Variants in EEPD1 observed in about 807,000 individuals in gnomAD.
EEPD1 encodes the protein endonuclease/exonuclease/phosphatase family domain containing 1, also known as endonuclease/exonuclease/phosphatase family domain-containing protein 1.
In EEPD1, 17 loss-of-function variants were observed where a neutral mutation model predicts 46.3. The observed-to-expected ratio is 0.37, with a 90% confidence interval of 0.25 to 0.55. EEPD1 has a LOEUF of 0.55. Ranked by LOEUF, EEPD1 falls within the 20% of genes least tolerant of loss-of-function variation. The pLI, the probability that EEPD1 is intolerant of heterozygous loss-of-function variation, is 0.83. For synonymous variants in EEPD1, 313 were observed against 315.6 expected (o/e 0.99, Z 0.09); for missense variants, 673 against 745.6 (o/e 0.90, Z 1.13).
chr7:36,198,343 A>AAAAATAAAAAAAAAAG, intron 2 of EEPD1, among the ~76,000 whole-genome samples: 1 of 108,206 alleles, frequency 9.2e-6, no homozygotes, highest in East Asian at 2.6e-4. Flanking sequence ...AAAAGAAAAG[A>AAAAATAAAAAAAAAAG]AAAAAAAAAA....
intron 2 of EEPD1, among the ~76,000 whole-genome samples, chr7:36,196,761 A>G (rs1425635169): frequency 6.6e-6 from 1 of 152,122 alleles, no homozygotes; most frequent in Admixed American, 6.5e-5. Flanking sequence ...TCGGCTCGCT[A>G]CGGCCTCCAC....
chr7:36,226,880 T>G (rs1199213280), intron 2 of EEPD1, among the ~76,000 whole-genome samples: 2 of 151,816 alleles, frequency 1.3e-5, no homozygotes, highest in African/African-American at 4.8e-5. Context: ...CAAAAGAAGG[T>G]GACAGAGAAA....
chr7:36,198,342 G>GAAAAAA (rs1361024411), intron 2 of EEPD1, among the ~76,000 whole-genome samples: 10 of 33,090 alleles, frequency 3.0e-4, no homozygotes, highest in Admixed American at 4.2e-4. Flanking sequence ...AAAAAGAAAA[G>GAAAAAA]AAAAAAAAAA....
At chr7:36,185,334 C>T (rs916638869) in intron 2 of EEPD1, among the ~76,000 whole-genome samples, 3 of 152,234 alleles carry the variant, frequency 2.0e-5, no homozygotes, top group African/African-American at 2.4e-5. Flanking sequence ...CTGTAATTTA[C>T]TCAGTTTCAC....
chr7:36,184,171 GT>G (rs1182179830), intron 2 of EEPD1, among the ~76,000 whole-genome samples: 2 of 152,102 alleles, frequency 1.3e-5, no homozygotes, highest in Non-Finnish European at 2.9e-5. Flanking sequence ...GAAGGTGATT[GT>G]GTTCTAACAA....
intron 2 of EEPD1, among the ~76,000 whole-genome samples, chr7:36,227,074 G>C (rs1043321272): frequency 5.3e-5 from 8 of 152,060 alleles, no homozygotes; most frequent in Non-Finnish European, 8.8e-5. Flanking sequence ...AAAGAAGGGA[G>C]GGGGGGTGGC....
chr7:36,274,834 C>T (rs992633988), intron 3 of EEPD1, among the ~76,000 whole-genome samples: 1 of 152,172 alleles, frequency 6.6e-6, no homozygotes, highest in African/African-American at 2.4e-5. Flanking sequence ...TCCTGGCACG[C>T]GGACACCCTT....
At chr7:36,279,188 C>T (rs1356351681) in intron 3 of EEPD1, among the ~76,000 whole-genome samples, 1 of 150,850 alleles carries the variant, frequency 6.6e-6, no homozygotes, top group Non-Finnish European at 1.5e-5. Context: ...GAGTTTTCTG[C>T]TTCACCAGCA....
At chr7:36,286,621 G>A (rs185638095) in intron 5 of EEPD1, among the ~76,000 whole-genome samples, 1 of 152,338 alleles carries the variant, frequency 6.6e-6, no homozygotes, top group African/African-American at 2.4e-5. Context: ...GCCAGGTTCT[G>A]TAAGCTTTTG....
At chr7:36,183,538 G>A (rs1297185656) in intron 2 of EEPD1, among the ~76,000 whole-genome samples, 2 of 152,226 alleles carry the variant, frequency 1.3e-5, no homozygotes, top group Middle Eastern at 6.8e-3. Flanking sequence ...TGGGAGAACT[G>A]CTTTGTTCTG....
At chr7:36,257,554 C>T (rs903373143) in intron 3 of EEPD1, among the ~76,000 whole-genome samples, 33 of 152,190 alleles carry the variant, frequency 2.2e-4, no homozygotes, top group African/African-American at 7.2e-4. Context: ...CTTGTCTTCA[C>T]GCTTTATTTC....
intron 3 of EEPD1, among the ~76,000 whole-genome samples, chr7:36,250,609 A>T (rs778356956): frequency 5.9e-5 from 9 of 152,236 alleles, no homozygotes; most frequent in African/African-American, 2.2e-4. Flanking sequence ...CAGAGACAGT[A>T]TAGCCCATAA....
intron 2 of EEPD1, among the ~76,000 whole-genome samples, chr7:36,174,589 G>A (rs568512806): frequency 1.3e-5 from 2 of 152,314 alleles, no homozygotes; most frequent in South Asian, 2.1e-4. Context: ...GATGTTTGCT[G>A]CTAGTTCTAA....
At position 36,239,128 on chromosome 7, in the gene EEPD1, C is replaced by T. The variant is rs1583827518; in HGVS notation, c.930+92C>T. ...CAACTCCCTGTCACCAGAGACAGCCCCTACTGAAAAGACGGTCAGTTATTT... is the reference window on the plus strand; with the variant it reads ...CAACTCCCTGTCACCAGAGACAGCCTCTACTGAAAAGACGGTCAGTTATTT... On this transcript the variant is annotated intron_variant, in intron 3 of 7. Transcript: ENST00000242108. 3 of 1,257,544 alleles carry T rather than the reference C, an allele frequency of 2.4e-6. No homozygotes were observed. In the Admixed American group the frequency reaches 6.4e-5, roughly 27 times the overall value. The allele number at this position is 1,257,544 out of a possible 1,614,324, so 77.9% of individuals were successfully genotyped here. A position where few individuals can be genotyped will look rare whatever the true frequency, so the allele number is the denominator to read the frequency against.
intron 2 of EEPD1, among the ~76,000 whole-genome samples, chr7:36,195,392 A>T (rs908112839): frequency 6.6e-6 from 1 of 152,220 alleles, no homozygotes; most frequent in African/African-American, 2.4e-5. Context: ...TCTCCATGGT[A>T]TAGAGGTGGG....
At chr7:36,216,268 T>G (rs966394635) in intron 2 of EEPD1, among the ~76,000 whole-genome samples, 9 of 152,220 alleles carry the variant, frequency 5.9e-5, no homozygotes, top group Non-Finnish European at 1.3e-4. Flanking sequence ...CCTTTCCATG[T>G]GACTCACAGT....
chr7:36,241,472 C>CG (rs1404421335), intron 3 of EEPD1, among the ~76,000 whole-genome samples: 17 of 150,306 alleles, frequency 1.1e-4, no homozygotes, highest in Admixed American at 7.9e-4. Flanking sequence ...GACTCTGTCT[C>CG]AAAATAAATA....
intron 3 of EEPD1, among the ~76,000 whole-genome samples, chr7:36,244,656 T>G (rs945268665): frequency 7.2e-5 from 11 of 152,126 alleles, no homozygotes; most frequent in Non-Finnish European, 1.5e-4. Context: ...TGAGCTGCTG[T>G]GTCTGGCAGA....
intron 2 of EEPD1, among the ~76,000 whole-genome samples, chr7:36,203,951 T>C (rs1360837231): frequency 7.4e-5 from 11 of 149,124 alleles, no homozygotes; most frequent in African/African-American, 2.7e-4. Context: ...TGTATAATTT[T>C]ATAAACCACT....
Sources: allele counts gnomAD v4.1 joint callset (sites outside exome capture counted in the v4.1 genomes callset), GRCh38; gene constraint gnomAD v4.1.1; transcripts MANE v1.5; gene names NCBI Gene and HGNC (gene_info 2026-07-23, HGNC 2026-07-21).